CMTM4: variants seen among roughly 807,000 people sequenced by gnomAD.
CMTM4 encodes the protein CKLF like MARVEL transmembrane domain containing 4, also known as CKLF-like MARVEL transmembrane domain-containing protein 4.
A neutral mutation model predicts 19.0 loss-of-function variants in CMTM4; 8 were observed. That is an observed-to-expected ratio of 0.42 (90% CI 0.25 to 0.76). The LOEUF is 0.76. Ranked by LOEUF, CMTM4 falls within the 30% of genes least tolerant of loss-of-function variation. CMTM4 has a pLI of 0.27. For synonymous variants in CMTM4, 106 were observed against 121.1 expected (o/e 0.88, Z 0.82); for missense variants, 228 against 290.2 (o/e 0.79, Z 1.56).
chr16:66,647,583 T>C (rs1217655496), intron 1 of CMTM4, among the ~76,000 whole-genome samples: 1 of 152,058 alleles, frequency 6.6e-6, no homozygotes, highest in Non-Finnish European at 1.5e-5. Context: ...GGGAAGAAGT[T>C]GGACAAAAGA....
chr16:66,662,378 G>C (rs934422039), intron 1 of CMTM4, among the ~76,000 whole-genome samples: 3 of 152,158 alleles, frequency 2.0e-5, no homozygotes, highest in Non-Finnish European at 4.4e-5. Context: ...GAAAAACCCA[G>C]AAAAGAGAGC....
chr16:66,626,829 G>A (rs562777842), intron 2 of CMTM4, among the ~76,000 whole-genome samples: 84 of 152,268 alleles, frequency 5.5e-4, no homozygotes, highest in South Asian at 2.3e-3. Context: ...GGCCAGGCAT[G>A]GTGGCTCCTG....
chr16:66,600,125 T>TGG, the CMTM4 span, among the ~76,000 whole-genome samples: 177 of 145,630 alleles, frequency 1.2e-3, no homozygotes, highest in African/African-American at 4.4e-3. Context: ...TGTGTGTGTG[T>TGG]GTGTGTGTGT....
intron 1 of CMTM4, among the ~76,000 whole-genome samples, chr16:66,651,784 G>A (rs183465912): frequency 1.3e-5 from 2 of 152,304 alleles, no homozygotes; most frequent in Admixed American, 1.3e-4. Context: ...AATAATCCAT[G>A]AGTTTTTTCC....
chr16:66,644,760 T>A (rs931290976), intron 1 of CMTM4, among the ~76,000 whole-genome samples: 1 of 152,148 alleles, frequency 6.6e-6, no homozygotes, highest in Admixed American at 6.5e-5. Context: ...CAGCCTGCAA[T>A]GTTCCAGACC....
At chr16:66,661,960 A>G (rs1296782207) in intron 1 of CMTM4, among the ~76,000 whole-genome samples, 1 of 151,978 alleles carries the variant, frequency 6.6e-6, no homozygotes, top group African/African-American at 2.4e-5. Context: ...TAAAAATAAA[A>G]CATTTCCTTA....
At chr16:66,678,318 G>C (rs1441179614) in intron 1 of CMTM4, among the ~76,000 whole-genome samples, 2 of 152,156 alleles carry the variant, frequency 1.3e-5, no homozygotes, top group Non-Finnish European at 2.9e-5. Flanking sequence ...GAGGAACAGA[G>C]GAAAGGGAGA....
In CMTM4 at chr16:66,696,547, C is replaced by T. The variant is rs533061187; in HGVS notation, c.-22G>A. 11,090 of 1,172,274 alleles carry T rather than the reference C, an allele frequency of 9.5e-3. 69 individuals carry two copies. Among genetic ancestry groups the T allele is most frequent in the Middle Eastern group, 0.015 (42 of 2,880 alleles). 72.6% of individuals were successfully genotyped at this position (1,172,274 alleles called of 1,614,324 possible). On this transcript the variant is annotated 5_prime_UTR_variant, in exon 1 of 4. Coordinates refer to ENST00000394106, the MANE Select transcript of CMTM4 (RefSeq NM_181521.3). The surrounding 1 kb of genome is among the most constrained non-coding windows in gnomAD (Gnocchi z 4.3). ...GCATGCTGCCGCCCGGCCCGGGCCG[C>T]CTCGCGCGGCTGGCTCCCGGCGCCA...
intron 1 of CMTM4, among the ~76,000 whole-genome samples, chr16:66,689,260 ATG>A (rs1412065148): frequency 6.6e-6 from 1 of 152,178 alleles, no homozygotes; most frequent in Non-Finnish European, 1.5e-5. Context: ...TTACAGTATA[ATG>A]TTAGCTGTAG....
Position 66,663,412 on chromosome 16 carries a change from G to A in CMTM4, c.187-26831C>T, listed in dbSNP as rs905584771. On this transcript the variant is annotated intron_variant, in intron 1 of 3. Transcript: ENST00000394106. Reference sequence around the variant, plus strand: ...TCCCAGCTAATCAGGAGGCTGAAGCGGGAGGATTACTGGAGCCCAGGAGTT... The same window carrying A: ...TCCCAGCTAATCAGGAGGCTGAAGCAGGAGGATTACTGGAGCCCAGGAGTT... Among the ~76,000 whole-genome samples the A allele has an allele frequency of 6.6e-5, 10 of 151,176 alleles. No homozygotes were observed. The South Asian group carries it at 1.0e-3, about 16-fold the overall frequency.
intron 1 of CMTM4, among the ~76,000 whole-genome samples, chr16:66,684,465 C>A (rs892608075): frequency 1.3e-5 from 2 of 152,254 alleles, no homozygotes; most frequent in Admixed American, 1.3e-4. Flanking sequence ...GCATGAGCCA[C>A]TGCACCCCTC....
rs1387583702 is a variant in CMTM4, at chr16:66,616,659, C to CA, written c.*5398dup. On this transcript the variant is annotated 3_prime_UTR_variant, in exon 4 of 4. Transcript: ENST00000394106. ...TTCCTCACTTCTGCGAAGAGGGGAA[C>CA]AGAATCTTGAAGCTTGCAAAATCGA... is the stretch of plus-strand genomic sequence containing the variant. The CA allele has an allele frequency of 1.3e-5, 2 of 152,160 alleles. No individual in the cohort carries two copies. The highest frequency in any genetic ancestry group is 2.4e-5 in the African/African-American group (1 of 41,440). The allele number at this position is 152,160 out of a possible 1,614,324, so 9.4% of individuals were successfully genotyped here.
intron 1 of CMTM4, among the ~76,000 whole-genome samples, chr16:66,648,881 A>G (rs2016255839): frequency 6.6e-6 from 1 of 152,190 alleles, no homozygotes. Flanking sequence ...CTGAGGCAGG[A>G]GAATCGCTTG....
the CMTM4 span, among the ~76,000 whole-genome samples, chr16:66,602,087 G>A: frequency 6.6e-6 from 1 of 152,242 alleles, no homozygotes; most frequent in Non-Finnish European, 1.5e-5. Flanking sequence ...TGTCATGAGT[G>A]GTACAAGGTC....
At chr16:66,694,597 C>T (rs1375458399) in intron 1 of CMTM4, among the ~76,000 whole-genome samples, 2 of 151,222 alleles carry the variant, frequency 1.3e-5, no homozygotes, top group African/African-American at 4.9e-5. Context: ...CCTGTAATCC[C>T]AGCTACTCGG....
chr16:66,609,383 C>T, the CMTM4 span: 1 of 1,522,616 alleles, frequency 6.6e-7, no homozygotes, highest in Non-Finnish European at 9.0e-7. This position sits in a 1 kb window ranked among gnomAD's most constrained non-coding sequence, Gnocchi z 4.4. Context: ...GCCTCCTCCC[C>T]ATGCTGTGCT....
Position 66,696,583 on chromosome 16 carries a change from G to C in CMTM4, c.-58C>G. On this transcript the variant is annotated 5_prime_UTR_variant, in exon 1 of 4. Coordinates refer to ENST00000394106, the MANE Select transcript of CMTM4 (RefSeq NM_181521.3). This position sits in a 1 kb window ranked among gnomAD's most constrained non-coding sequence, Gnocchi z 4.3. ...TGGCTCCCGGCGCCAGGAGCGGGCG[G>C]ACTCAGCGGGGCCGCCGCATCGCCG... 9.4e-7 allele frequency: 1 copy of C among 1,060,686 alleles called. No homozygotes were observed. The highest frequency in any genetic ancestry group is 1.2e-6 in the Non-Finnish European group (1 of 869,046). 65.7% of individuals were successfully genotyped at this position (1,060,686 alleles called of 1,614,324 possible).
At chr16:66,683,199 A>ATATACATGTATATATATATATATG (rs1567432378) in intron 1 of CMTM4, among the ~76,000 whole-genome samples, 1 of 126,290 alleles carries the variant, frequency 7.9e-6, no homozygotes, top group Admixed American at 8.6e-5. Context: ...ATATACATAT[A>ATATACATGTATATATATATATATG]TATATATATA....
Position 66,620,062 on chromosome 16 carries a change from T to G in CMTM4, c.*1996A>C, listed in dbSNP as rs75901413. ...GGAAAACTTGGGCAACAAGCCCACC[T>G]GAATGGTGTTCTTGTTTTCAATCTC... On this transcript the variant is annotated 3_prime_UTR_variant, in exon 4 of 4. Transcript: ENST00000394106. The G allele has an allele frequency of 0.02, 19,753 of 985,444 alleles. 218 individuals carry two copies. The highest frequency in any genetic ancestry group is 0.022 in the Non-Finnish European group (18,533 of 829,926). The allele number at this position is 985,444 out of a possible 1,614,324, so 61.0% of individuals were successfully genotyped here.
Sources: gnomAD v4.1 joint callset for allele counts (sites outside exome capture counted in the v4.1 genomes callset) on GRCh38, gnomAD v4.1.1 for gene constraint, Gnocchi (gnomAD v3.1) non-coding constraint, MANE v1.5 for transcripts, NCBI Gene and HGNC (gene_info 2026-07-23, HGNC 2026-07-21) for gene names.